The following TTN variants were observed in gnomAD, a reference collection of about 807,000 sequenced individuals.
TTN encodes the protein connectin.
Under a neutral mutation model 3,223.0 loss-of-function variants are expected in TTN, and 1,525 were observed. The ratio of observed to expected loss-of-function variants is 0.47; its 90% CI spans 0.45 to 0.49. TTN has a LOEUF of 0.49. TTN is among the 20% of genes least tolerant of loss of function. TTN has a pLI of 0.00. For missense variants in TTN, 40,786 were observed against 43,424.0 expected, an observed-to-expected ratio of 0.94 and a Z score of 5.40; for synonymous variants, 14,094 against 15,161.0, an observed-to-expected ratio of 0.93 and a Z score of 5.17.
In TTN at chr2:178,651,485, A is replaced by G; in HGVS notation, c.39515T>C (p.Val13172Ala). The G allele has an allele frequency of 1.2e-6, 2 of 1,612,110 alleles. No individual in the cohort carries two copies. The highest frequency in any genetic ancestry group is 1.1e-5 in the South Asian group (1 of 90,772). Residue 13172 changes from valine (V) to alanine (A), a missense_variant, in exon 207 of 363, where the codon GTT becomes GCT. Physicochemically the swap from Val to Ala is moderately conservative, Grantham distance 64. Transcript: ENST00000589042. ...AGGTGGGGCTTCTGGCTTTTTGGGA[A>G]CCACCAGAGGCACCTTCTTTTCAGG... ...VVPEKKVPLV[V>A]PKKPEAPPAK...
chr2:178,688,614 A>G (rs934187345), intron 126 of TTN, 63 bp downstream of exon 126: 1 of 1,103,666 alleles, frequency 9.1e-7, no homozygotes, highest in African/African-American at 1.5e-5. Flanking sequence ...CACATGTGGA[A>G]GAAGAAGAGA....
chr2:178,590,011 G>A lies in TTN; in HGVS notation c.61714C>T (p.Pro20572Ser), dbSNP rs1333184630. The A allele has an allele frequency of 6.2e-7, 1 of 1,613,148 alleles. No individual in the cohort carries two copies. Among genetic ancestry groups the A allele is most frequent in the South Asian group, 1.1e-5 (1 of 91,058 alleles). ...TTGGTAACCTTCAAATTCTGGCAAG[G>A]CCCAGGTCTGTCAAGGACGTTAACG... ...AIVNVLDRPG[P>S]CQNLKVTNVT... The change falls in exon 304 of 363, where the codon CCT (proline) becomes TCT (serine). Residue 20572 changes from proline (P) to serine (S), a missense_variant. Pro to Ser is a moderately conservative substitution (Grantham distance 74). Transcript: ENST00000589042.
Position 178,571,334 on chromosome 2 carries a change from A to G in TTN, c.74798T>C (p.Ile24933Thr), listed in dbSNP as rs769422476. ...AATGACTCTACTTCCTCCATCACTG[A>G]TTGGCTCATTCCATTGTACTTCCAT... The part of the protein sequence containing the change: ...DSMEVQWNEP[I>T]SDGGSRVIGY... Residue 24933 changes from isoleucine to threonine, a missense_variant, in exon 326 of 363, where the codon ATC becomes ACC. Ile to Thr is a moderately conservative substitution (Grantham distance 89). Transcript: ENST00000589042. The G allele has an allele frequency of 2.5e-6, 4 of 1,613,370 alleles. No individual in the cohort carries two copies. The highest frequency in any genetic ancestry group is 2.5e-6 in the Non-Finnish European group (3 of 1,179,552).
chr2:178,749,240 C>T, intron 47 of TTN: 1 of 1,611,756 alleles, frequency 6.2e-7, no homozygotes, highest in Admixed American at 1.7e-5. Context: ...AGTGACATCA[C>T]TGAAATCATC....
In TTN at chr2:178,586,516, T is replaced by G; in HGVS notation, c.64385A>C (p.Lys21462Thr). The change falls in exon 308 of 363, where the codon AAA (lysine) becomes ACA (threonine). Residue 21462 changes from lysine (K) to threonine (T), a missense_variant. Physicochemically the swap from Lys to Thr is moderately conservative, Grantham distance 78. Transcript: ENST00000589042. ...CAAAGACTACTTACACAGTTGTTCT[T>G]TGGCTTCATACACTCCTTCAGCTTC... The part of the protein sequence containing the change: ...PREAEGVYEA[K>T]EQLLPPKILM... The G allele has an allele frequency of 6.2e-7, 1 of 1,612,998 alleles. No homozygotes were observed. The highest frequency in any genetic ancestry group is 8.5e-7 in the Non-Finnish European group (1 of 1,179,300).
rs794729541 is a variant in TTN at position 178,543,845 on chromosome 2, A to G, written c.96299T>C (p.Val32100Ala). The G allele has an allele frequency of 1.1e-5, 17 of 1,613,512 alleles. No individual in the cohort carries two copies. Among genetic ancestry groups the G allele is most frequent in the Admixed American group, 1.7e-5 (1 of 59,994 alleles). The change falls in exon 346 of 363, where the codon GTT (valine) becomes GCT (alanine). Residue 32100 changes from valine to alanine, a missense_variant. Transcript: ENST00000589042. Reference protein sequence around the residue: ...QSGKKSATVLVKVYDTPGPCP... With the variant: ...QSGKKSATVLAKVYDTPGPCP... ...AGTAAAATGCTTACCATAGACTTTA[A>G]CAAGGACTGTTGCTGATTTCTTGCC... is the stretch of plus-strand genomic sequence containing the variant.
chr2:178,699,723 ATT>A (rs58607203), intron 111 of TTN, among the ~76,000 whole-genome samples: 844 of 58,208 alleles, frequency 0.014, 5 homozygotes, highest in Non-Finnish European at 0.02. Context: ...CTCTTTTTTA[ATT>A]TTTTTTTTTT....
intron 253 of TTN, 42 bp downstream of exon 253, chr2:178,617,737 G>A (rs1345166218): frequency 6.2e-7 from 1 of 1,601,200 alleles, no homozygotes; most frequent in African/African-American, 1.3e-5. Context: ...CCTAATATCT[G>A]GATTTCATGC....
rs2060633582 is a variant in TTN at position 178,637,384 on chromosome 2, T to C, written c.40912A>G (p.Lys13638Glu). The C allele has an allele frequency of 1.4e-6, 2 of 1,478,594 alleles. No individual in the cohort carries two copies. The highest frequency in any genetic ancestry group is 1.8e-6 in the Non-Finnish European group (2 of 1,117,244). The allele number at this position is 1,478,594 out of a possible 1,614,324, so 91.6% of individuals were successfully genotyped here. A position where few individuals can be genotyped will look rare whatever the true frequency, so the allele number is the denominator to read the frequency against. ...KAPKEEAAKPKGPIKGVPKKT... is the reference protein window; with the variant it reads ...KAPKEEAAKPEGPIKGVPKKT... Reference sequence around the variant, plus strand: ...TGAATTTCACCTTTGATAGGACCTTTTGGCTTGGCAGCCTCTTCCTTAGGT... The same window carrying C: ...TGAATTTCACCTTTGATAGGACCTTCTGGCTTGGCAGCCTCTTCCTTAGGT... The change falls in exon 224 of 363, where the codon AAA (lysine) becomes GAA (glutamate). Residue 13638 changes from lysine (K) to glutamate (E), a missense_variant. Lys to Glu is a moderately conservative substitution (Grantham distance 56). Coordinates refer to ENST00000589042, the MANE Select transcript of TTN (RefSeq NM_001267550.2).
At position 178,535,207 on chromosome 2, in the gene TTN, G is replaced by T; in HGVS notation, c.101408C>A (p.Ser33803Tyr). 1 of 1,613,894 alleles carries T rather than the reference G, an allele frequency of 6.2e-7. No homozygotes were observed. Among genetic ancestry groups the T allele is most frequent in the Non-Finnish European group, 8.5e-7 (1 of 1,179,844 alleles). Reference sequence around the variant, plus strand: ...TGAAGAGTGAGATGCTTTAGTCATGGAGACTTCCCTGGTTTCATCTACCTC... The same window carrying T: ...TGAAGAGTGAGATGCTTTAGTCATGTAGACTTCCCTGGTTTCATCTACCTC... Reference protein sequence around the residue: ...DEEVDETREVSMTKASHSSTK... With the variant: ...DEEVDETREVYMTKASHSSTK... Residue 33803 changes from serine (S) to tyrosine (Y), a missense_variant, in exon 358 of 363, where the codon TCC (serine) becomes TAC (tyrosine). Coordinates refer to ENST00000589042, the MANE Select transcript of TTN (RefSeq NM_001267550.2).
Position 178,750,387 on chromosome 2 carries a change from A to G in TTN, c.11311+2737T>C. Reference sequence around the variant, plus strand: ...GAACCTTCATTCTGATGATGAACAGATGAAAGAGTTAATATTGAATAGTTT... The same window carrying G: ...GAACCTTCATTCTGATGATGAACAGGTGAAAGAGTTAATATTGAATAGTTT... On this transcript the variant is annotated intron_variant, in intron 47 of 362. Coordinates refer to ENST00000589042, the MANE Select transcript of TTN (RefSeq NM_001267550.2). 1.2e-6 allele frequency: 2 copies of G among 1,613,012 alleles called. No homozygotes were observed. The highest frequency in any genetic ancestry group is 8.5e-7 in the Non-Finnish European group (1 of 1,179,306).
rs781088841 is a variant in TTN, at chr2:178,546,360, A to T, written c.94971T>A (p.Asp31657Glu). 3.1e-6 allele frequency: 5 copies of T among 1,613,724 alleles called. No homozygotes were observed. In the South Asian group the frequency reaches 4.4e-5, roughly 14 times the overall value. Residue 31657 changes from aspartate to glutamate, a missense_variant, in exon 342 of 363, where the codon GAT becomes GAA. By Grantham distance (45) the Asp-to-Glu change is conservative. Coordinates refer to ENST00000589042, the MANE Select transcript of TTN (RefSeq NM_001267550.2). ...ACTGCAAAGAGACTTTTTCACAGAG[A>T]TCTAGCTCCTTGTCTCCTTTGGTCC... ...IIWTKGDKEL[D>E]LCEKVSLQYT...
At position 178,768,155 on chromosome 2, in the gene TTN, G is replaced by A. The variant is rs755863043; in HGVS notation, c.9164C>T (p.Ala3055Val). ...ATSTATLYVE[A>V]RHIEFRKHIK... ...GTGTTTCCTAAATTCTATATGACGA[G>A]CTGGAAAATAGCATGTAGAAAAATT... The change falls in exon 39 of 363, where the codon GCT becomes GTT. Residue 3055 changes from alanine (A) to valine (V), a missense_variant and splice_region_variant. Transcript: ENST00000589042. The A allele has an allele frequency of 3.1e-6, 5 of 1,613,846 alleles. No homozygotes were observed. In the South Asian group the frequency reaches 4.4e-5, roughly 14 times the overall value.
chr2:178,529,969 T>A lies in TTN; in HGVS notation c.106522A>T (p.Thr35508Ser). 1 of 1,591,978 alleles carries A rather than the reference T, an allele frequency of 6.3e-7. No individual in the cohort carries two copies. Among genetic ancestry groups the A allele is most frequent in the Non-Finnish European group, 8.5e-7 (1 of 1,174,872 alleles). Residue 35508 changes from threonine (T) to serine (S), a missense_variant, in exon 359 of 363, where the codon ACA (threonine) becomes TCA (serine). Thr to Ser is a moderately conservative substitution (Grantham distance 58, BLOSUM62 1). Coordinates refer to ENST00000589042, the MANE Select transcript of TTN (RefSeq NM_001267550.2). ...ACAAAAGCCAACCTACCTTTTATTG[T>A]TAATTTGCAGCTAGAGGACACAGAT... ...AGSVSSSCKL[T>S]IKAIKDTEAQ...
rs61216469 is a variant in TTN at position 178,637,146 on chromosome 2, GAT to G, written c.40927+221_40927+222del. ...GATTCACTATGCTAAAATATAGTTG[GAT>G]ATATATATATATATATATATATATA... On this transcript the variant is annotated intron_variant, in intron 224 of 362. Transcript: ENST00000589042. 0.086 allele frequency among the ~76,000 whole-genome samples: 4,184 copies of G among 48,596 alleles called. 105 individuals are homozygous for G. Among genetic ancestry groups the G allele is most frequent in the Middle Eastern group, 0.1 (5 of 50 alleles). The allele number at this position is 48,596 out of a possible 152,430, so 31.9% of individuals were successfully genotyped here. A position where few individuals can be genotyped will look rare whatever the true frequency, so the allele number is the denominator to read the frequency against.
At chr2:178,682,520 T>A (rs1439722014) in intron 135 of TTN, among the ~76,000 whole-genome samples, 177 bp downstream of exon 135, 1 of 152,072 alleles carries the variant, frequency 6.6e-6, no homozygotes, top group Non-Finnish European at 1.5e-5. Context: ...AGAGGGTTTT[T>A]AAAATTTTTT....
In TTN at chr2:178,756,234, T is replaced by C. The variant is rs2086888986; in HGVS notation, c.11242A>G (p.Ser3748Gly). 1 of 1,609,606 alleles carries C rather than the reference T, an allele frequency of 6.2e-7. No individual in the cohort carries two copies. The highest frequency in any genetic ancestry group is 1.3e-5 in the African/African-American group (1 of 74,972). ...AAAATCAATTAACCACCTTCTACAC[T>C]TAGTACTGCTGACGTTGTCCTCTCT... Reference protein sequence around the residue: ...CGERTTSAVLSVEGAPESILH... With the variant: ...CGERTTSAVLGVEGAPESILH... The change falls in exon 46 of 363, where the codon AGT (serine) becomes GGT (glycine). Residue 3748 changes from serine (S) to glycine (G), a missense_variant. Physicochemically the swap from Ser to Gly is moderately conservative, Grantham distance 56. Transcript: ENST00000589042.
chr2:178,558,691 T>C lies in TTN; in HGVS notation c.86822-54A>G. On this transcript the variant is annotated intron_variant, in intron 326 of 362. Transcript: ENST00000589042. ...GAATAATTATTACAGCACTTTTAAA[T>C]GTGCACTCTTCATGTATTGTCAAAA... is the stretch of plus-strand genomic sequence containing the variant. 3.9e-6 allele frequency: 6 copies of C among 1,530,798 alleles called. No homozygotes were observed. The South Asian group carries it at 7.2e-5, about 18-fold the overall frequency. The allele number at this position is 1,530,798 out of a possible 1,614,324, so 94.8% of individuals were successfully genotyped here. A position where few individuals can be genotyped will look rare whatever the true frequency, so the allele number is the denominator to read the frequency against.
Position 178,738,186 on chromosome 2 carries a change from C to G in TTN, c.14267G>C (p.Ser4756Thr). The G allele has an allele frequency of 6.2e-7, 1 of 1,613,750 alleles. No individual in the cohort carries two copies. Among genetic ancestry groups the G allele is most frequent in the Non-Finnish European group, 8.5e-7 (1 of 1,179,786 alleles). The change falls in exon 49 of 363, where the codon AGC (serine) becomes ACC (threonine). Residue 4756 changes from serine to threonine, a missense_variant. Coordinates refer to ENST00000589042, the MANE Select transcript of TTN (RefSeq NM_001267550.2). The part of the protein sequence containing the change: ...CSIRSSKYIS[S>T]LEILRTQVVD... ...CACCTGGGTTCTCAGGATTTCAAGG[C>G]TGGAGATATACTTTGAAGATCGAAT...
Sources: gnomAD v4.1 joint callset for allele counts (sites outside exome capture counted in the v4.1 genomes callset) on GRCh38, gnomAD v4.1.1 for gene constraint, MANE v1.5 for transcripts, NCBI Gene and HGNC (gene_info 2026-07-23, HGNC 2026-07-21) for gene names.